The following ERMP1 variants were observed in gnomAD, a reference collection of about 807,000 sequenced individuals.
The protein encoded by ERMP1 is Felix-ina.
A neutral mutation model predicts 92.0 loss-of-function variants in ERMP1; 86 were observed. The ratio of observed to expected loss-of-function variants is 0.93; its 90% CI spans 0.79 to 1.12. The LOEUF (loss-of-function observed/expected upper bound fraction) is 1.12, where lower values mean the gene tolerates loss of function less well. Among genes scored for constraint, ERMP1 ranks in the 50% most tolerant of loss-of-function variants. The pLI is 0.00. For missense variants in ERMP1, 1,342 were observed against 1,116.3 expected (o/e 1.20, Z -2.88); for synonymous variants, 530 against 412.8 (o/e 1.28, Z -3.44).
intron 13 of ERMP1, among the ~76,000 whole-genome samples, chr9:5,790,202 C>T (rs1323093377): frequency 7.5e-6 from 1 of 132,590 alleles, no homozygotes. Flanking sequence ...TCCCCTGAGA[C>T]GGAGTCTCGT....
chr9:5,842,111 A>G (rs1051351113), intron 6 of ERMP1, among the ~76,000 whole-genome samples: 1 of 152,198 alleles, frequency 6.6e-6, no homozygotes, highest in African/African-American at 2.4e-5. Context: ...GTGAAAACAG[A>G]AAGAACAAAG....
At position 5,811,116 on chromosome 9, in the gene ERMP1, T is replaced by C. The variant is rs769282050; in HGVS notation, c.1322A>G (p.His441Arg). The C allele has an allele frequency of 3.1e-6, 5 of 1,609,582 alleles. No homozygotes were observed. The highest frequency in any genetic ancestry group is 1.6e-4 in the Middle Eastern group (1 of 6,078). Residue 441 changes from histidine (H) to arginine (R), a missense_variant, in exon 7 of 15, where the codon CAT (histidine) becomes CGT (arginine). Transcript: ENST00000339450. ...TTTTAGAGGAAAATACTTACTCTTA[T>C]GTTTGGGCTGCAAAAATTTTTTGCC... ...YLGKKFLQPKHKTGNYKKDFL... is the reference protein window; with the variant it reads ...YLGKKFLQPKRKTGNYKKDFL...
intron 4 of ERMP1, among the ~76,000 whole-genome samples, chr9:5,822,665 A>AT (rs1317379971): frequency 6.6e-6 from 1 of 152,220 alleles, no homozygotes; most frequent in Admixed American, 6.5e-5. Flanking sequence ...AACATCTAGC[A>AT]AATGCTACAT....
chr9:5,852,311 G>C (rs1830319770), intron 6 of ERMP1, among the ~76,000 whole-genome samples: 1 of 150,520 alleles, frequency 6.6e-6, no homozygotes, highest in Non-Finnish European at 1.5e-5. Context: ...TCATGTAGCT[G>C]GAGTGAAATG....
At chr9:5,810,704 A>C (rs1054596359) in intron 7 of ERMP1, among the ~76,000 whole-genome samples, 1 of 152,246 alleles carries the variant, frequency 6.6e-6, no homozygotes, top group East Asian at 1.9e-4. Context: ...GCACACAACA[A>C]CTTAGACTCT....
intron 10 of ERMP1, among the ~76,000 whole-genome samples, chr9:5,802,712 G>C (rs1369566937): frequency 1.3e-5 from 2 of 152,194 alleles, no homozygotes; most frequent in Non-Finnish European, 2.9e-5. Flanking sequence ...GTGTCCTTAA[G>C]TTATTCTCTG....
At chr9:5,837,135 G>C (rs764832765), upstream of ERMP1, among the ~76,000 whole-genome samples, 1 of 152,078 alleles carries the variant, frequency 6.6e-6, no homozygotes, top group East Asian at 1.9e-4. Context: ...GAAACAAATG[G>C]GGTTGAGACG....
At chr9:5,861,604 A>C (rs7044017) in intron 5 of ERMP1, among the ~76,000 whole-genome samples, 2 of 151,916 alleles carry the variant, frequency 1.3e-5, no homozygotes, top group East Asian at 3.9e-4. Context: ...GGCCTCTGGA[A>C]ACCTGGCAAG....
intron 2 of ERMP1, 116 bp downstream of exon 2, chr9:5,830,611 A>C: frequency 1.4e-6 from 1 of 700,580 alleles, no homozygotes; most frequent in African/African-American, 1.8e-5. Flanking sequence ...TCCATCACAA[A>C]GAAAAAAGGT....
intron 13 of ERMP1, chr9:5,791,429 C>T (rs116370060): frequency 9.5e-4 from 388 of 407,912 alleles, no homozygotes; most frequent in African/African-American, 7.0e-3. Flanking sequence ...ATCTGCTTTA[C>T]TCGAAGTCCA....
chr9:5,805,218 C>G lies in ERMP1; in HGVS notation c.1724-1G>C. 1.2e-6 allele frequency: 2 copies of G among 1,600,800 alleles called. No individual in the cohort carries two copies. Among genetic ancestry groups the G allele is most frequent in the Non-Finnish European group, 1.7e-6 (2 of 1,174,638 alleles). Reference sequence around the variant, plus strand: ...AAAGCAATAAATTTTCCTTGGGCACCTAGGGAAAAAGAGAAAAAAAGCACA... The same window carrying G: ...AAAGCAATAAATTTTCCTTGGGCACGTAGGGAAAAAGAGAAAAAAAGCACA... On this transcript the variant is annotated splice_acceptor_variant, in intron 9 of 14. Coordinates refer to ENST00000339450, the MANE Select transcript of ERMP1 (RefSeq NM_024896.3). LOFTEE classifies it high-confidence loss of function.
intron 5 of ERMP1, among the ~76,000 whole-genome samples, chr9:5,861,197 GTGTGTGTGTGTGTGTGT>G: frequency 6.7e-6 from 1 of 148,630 alleles, no homozygotes; most frequent in Admixed American, 6.7e-5. Context: ...GTGTGTGTGT[GTGTGTGTGTGTGTGTGT>G]GTGTGTAAAA....
At chr9:5,823,710 C>T (rs1829628818) in intron 4 of ERMP1, among the ~76,000 whole-genome samples, 186 bp downstream of exon 4, 1 of 150,550 alleles carries the variant, frequency 6.6e-6, no homozygotes, top group Non-Finnish European at 1.5e-5. Context: ...AAGCACTATA[C>T]AAGTGTTAGA....
chr9:5,825,261 T>C, intron 2 of ERMP1, 42 bp from the exon 3 acceptor site: 1 of 1,590,340 alleles, frequency 6.3e-7, no homozygotes, highest in Non-Finnish European at 8.6e-7. Context: ...GATTTTAAAA[T>C]GTTTACAATA....
upstream of ERMP1, among the ~76,000 whole-genome samples, chr9:5,836,460 C>G (rs1830096870): frequency 6.6e-6 from 1 of 152,194 alleles, no homozygotes; most frequent in Non-Finnish European, 1.5e-5. Context: ...CAAAAGCTGA[C>G]AGGCAGAGCA....
Position 5,810,017 on chromosome 9 carries a change from A to G in ERMP1, c.1542T>C (p.Tyr514=). 6.3e-7 allele frequency: 1 copy of G among 1,595,806 alleles called. No homozygotes were observed. Among genetic ancestry groups the G allele is most frequent in the Non-Finnish European group, 8.6e-7 (1 of 1,164,022 alleles). ...ILIHTLAKRF[Y]YMNASAQYLG... ...AAATATACCAAACACTTACCATGTA[A>G]TAAAATCTTTTCGCAAGAGTATGTA... The change falls in exon 8 of 15, where the codon TAT becomes TAC. Residue 514 remains tyrosine (Y), a synonymous_variant. Transcript: ENST00000339450.
chr9:5,816,898 C>CT (rs1158837649), intron 4 of ERMP1, among the ~76,000 whole-genome samples: 5,900 of 135,098 alleles, frequency 0.044, 189 homozygotes, highest in Non-Finnish European at 0.065. Flanking sequence ...AGAGCCTATG[C>CT]TTTTTTTTTT....
intron 8 of ERMP1, among the ~76,000 whole-genome samples, chr9:5,806,610 T>A (rs1283279407): frequency 6.8e-6 from 1 of 147,432 alleles, no homozygotes. Context: ...AAAAAAAACA[T>A]TTTTTTTTTG....
At chr9:5,807,066 C>G (rs1178912723) in intron 8 of ERMP1, among the ~76,000 whole-genome samples, 1 of 152,164 alleles carries the variant, frequency 6.6e-6, no homozygotes, top group Non-Finnish European at 1.5e-5. Flanking sequence ...GAATGCCACT[C>G]AGATATTCAA....
Sources: allele counts gnomAD v4.1 joint callset (sites outside exome capture counted in the v4.1 genomes callset), GRCh38; gene constraint gnomAD v4.1.1; transcripts MANE v1.5; gene names NCBI Gene and HGNC (gene_info 2026-07-23, HGNC 2026-07-21).